NLGN1: variants seen among roughly 807,000 people sequenced by gnomAD.
The protein encoded by NLGN1 is neuroligin 1.
In NLGN1, 12 loss-of-function variants were observed where a neutral mutation model predicts 65.5. The ratio of observed to expected loss-of-function variants is 0.18; its 90% confidence interval spans 0.12 to 0.30. NLGN1 has a LOEUF of 0.30. NLGN1 is among the 10% of genes least tolerant of loss of function. The pLI, the probability that NLGN1 is intolerant of heterozygous loss-of-function variation, is 1.00. For missense variants in NLGN1, 750 were observed against 1,007.1 expected, an observed-to-expected ratio of 0.74 and a Z score of 3.46; for synonymous variants, 350 against 359.5, an observed-to-expected ratio of 0.97 and a Z score of 0.30.
At chr3:173,899,686 C>T (rs376541610) in intron 4 of NLGN1, among the ~76,000 whole-genome samples, 36 of 152,210 alleles carry the variant, frequency 2.4e-4, no homozygotes, top group African/African-American at 6.7e-4. Context: ...CATTCTTTTA[C>T]GTGTCATCTA....
chr3:173,712,108 T>G (rs1326602472), intron 3 of NLGN1, among the ~76,000 whole-genome samples: 1 of 152,210 alleles, frequency 6.6e-6, no homozygotes, highest in Non-Finnish European at 1.5e-5. Flanking sequence ...CATACTTCTA[T>G]GACTGCTTCA....
intron 2 of NLGN1, among the ~76,000 whole-genome samples, chr3:173,533,035 T>G (rs1368986616): frequency 6.6e-6 from 1 of 152,216 alleles, no homozygotes; most frequent in Non-Finnish European, 1.5e-5. Context: ...CTGACCAGAA[T>G]AAGTCCCATG....
intron 3 of NLGN1, among the ~76,000 whole-genome samples, chr3:173,658,370 G>T (rs1760403108): frequency 6.6e-6 from 1 of 151,942 alleles, no homozygotes; most frequent in East Asian, 1.9e-4. Flanking sequence ...GCTTGGGATA[G>T]ACAAGTTTTG....
intron 3 of NLGN1, among the ~76,000 whole-genome samples, chr3:173,803,501 C>G (rs1036182837): frequency 6.6e-6 from 1 of 151,750 alleles, no homozygotes; most frequent in African/African-American, 2.4e-5. Flanking sequence ...TCAGGTACTC[C>G]GGAGGCTGAG....
downstream of NLGN1, among the ~76,000 whole-genome samples, chr3:174,288,007 GTGGC>G (rs1752321155): frequency 6.6e-6 from 1 of 151,516 alleles, no homozygotes; most frequent in Non-Finnish European, 1.5e-5. Flanking sequence ...TGTTAAACAC[GTGGC>G]CAATTCTATG....
At chr3:174,122,928 TAATA>T (rs1345901538) in intron 4 of NLGN1, among the ~76,000 whole-genome samples, 2 of 151,880 alleles carry the variant, frequency 1.3e-5, no homozygotes, top group Admixed American at 1.3e-4. Context: ...ATAAATAAAT[TAATA>T]AATAAAAATT....
At chr3:173,921,620 T>C (rs1295383013) in intron 4 of NLGN1, among the ~76,000 whole-genome samples, 1 of 152,082 alleles carries the variant, frequency 6.6e-6, no homozygotes, top group Admixed American at 6.6e-5. Context: ...TTACCCTCAT[T>C]GAAGGAAACA....
chr3:174,026,263 A>G (rs1728809216), intron 4 of NLGN1, among the ~76,000 whole-genome samples: 1 of 152,104 alleles, frequency 6.6e-6, no homozygotes, highest in Non-Finnish European at 1.5e-5. Flanking sequence ...AGCAGCTGGG[A>G]CTATAGACAT....
rs13324209 is a variant in NLGN1 at position 173,462,256 on chromosome 3, G to A, written c.-321+27178G>A. Among the ~76,000 whole-genome samples the A allele has an allele frequency of 2.5e-3, 376 of 152,198 alleles. 2 individuals carry two copies. Among genetic ancestry groups the A allele is most frequent in the African/African-American group, 8.6e-3 (359 of 41,534 alleles). On this transcript the variant is annotated intron_variant, in intron 2 of 6. Transcript: ENST00000457714. ...ACACTGATGTAAAGCTCCTAAAAGAGTGCCTTTTACATATTACATGCTCAA... is the reference window on the plus strand; with the variant it reads ...ACACTGATGTAAAGCTCCTAAAAGAATGCCTTTTACATATTACATGCTCAA...
At chr3:173,912,019 T>C in intron 4 of NLGN1, among the ~76,000 whole-genome samples, 1 of 152,228 alleles carries the variant, frequency 6.6e-6, no homozygotes, top group South Asian at 2.1e-4. Context: ...CTTTTTCTAG[T>C]ATATTTCATA....
intron 3 of NLGN1, among the ~76,000 whole-genome samples, chr3:173,746,262 A>C (rs1052859035): frequency 6.6e-6 from 1 of 152,078 alleles, no homozygotes; most frequent in African/African-American, 2.4e-5. Context: ...ACCCTATCTC[A>C]AAACAAAAAC....
At chr3:174,218,569 G>A (rs1738075203) in intron 4 of NLGN1, among the ~76,000 whole-genome samples, 1 of 151,910 alleles carries the variant, frequency 6.6e-6, no homozygotes, top group South Asian at 2.1e-4. Context: ...TATAGTTAAG[G>A]TCCGTGCAGC....
intron 2 of NLGN1, among the ~76,000 whole-genome samples, chr3:173,524,244 T>G (rs762023522): frequency 6.6e-6 from 1 of 151,986 alleles, no homozygotes; most frequent in African/African-American, 2.4e-5. Context: ...TTTCTTTCAT[T>G]AGCCTTTTGT....
chr3:174,253,611 A>C (rs1362061577), intron 4 of NLGN1, among the ~76,000 whole-genome samples: 1 of 152,222 alleles, frequency 6.6e-6, no homozygotes, highest in Non-Finnish European at 1.5e-5. Flanking sequence ...ATGCTTAGTG[A>C]AAACTGCACC....
chr3:173,773,125 C>T (rs1314406534), intron 3 of NLGN1, among the ~76,000 whole-genome samples: 2 of 152,108 alleles, frequency 1.3e-5, no homozygotes, highest in Non-Finnish European at 2.9e-5. Context: ...CTGCCATAAC[C>T]CACTTCAGTC....
At chr3:173,559,218 A>T (rs1198761774) in intron 2 of NLGN1, among the ~76,000 whole-genome samples, 1 of 152,126 alleles carries the variant, frequency 6.6e-6, no homozygotes, top group Non-Finnish European at 1.5e-5. Flanking sequence ...CCCCTTTTCC[A>T]CTACTGGTTT....
chr3:174,208,474 C>G (rs1735833905), intron 4 of NLGN1, among the ~76,000 whole-genome samples: 1 of 152,058 alleles, frequency 6.6e-6, no homozygotes. Flanking sequence ...CAATTTAGAT[C>G]TGATTGGCAT....
intron 4 of NLGN1, among the ~76,000 whole-genome samples, chr3:174,112,374 G>A (rs1715428139): frequency 6.6e-6 from 1 of 151,888 alleles, no homozygotes; most frequent in Non-Finnish European, 1.5e-5. Context: ...TCAGACTGCT[G>A]TTAATAATAT....
intron 4 of NLGN1, among the ~76,000 whole-genome samples, chr3:173,869,183 A>C (rs1182053571): frequency 3.3e-5 from 5 of 152,228 alleles, no homozygotes; most frequent in Non-Finnish European, 7.4e-5. Context: ...AAATAGCATT[A>C]AATCCTAACT....
Sources: allele counts gnomAD v4.1 joint callset (sites outside exome capture counted in the v4.1 genomes callset), GRCh38; gene constraint gnomAD v4.1.1; transcripts MANE v1.5; gene names NCBI Gene and HGNC (gene_info 2026-07-23, HGNC 2026-07-21).